Variants in SCUBE3 observed in about 807,000 individuals in gnomAD.
The protein encoded by SCUBE3 is signal peptide, CUB domain and EGF like domain containing 3.
A neutral mutation model predicts 116.8 loss-of-function variants in SCUBE3; 33 were observed. The ratio of observed to expected loss-of-function variants is 0.28; its 90% CI spans 0.21 to 0.38. The LOEUF is 0.38. SCUBE3 is among the 10% of genes least tolerant of loss of function. SCUBE3 has a pLI of 1.00. For synonymous variants in SCUBE3, 418 were observed against 496.9 expected, an observed-to-expected ratio of 0.84 and a Z score of 2.11; for missense variants, 1,007 against 1,324.8, an observed-to-expected ratio of 0.76 and a Z score of 3.72.
chr6:35,221,980 C>T (rs942866835), intron 1 of SCUBE3: 1 of 152,278 alleles, frequency 6.6e-6, no homozygotes, highest in African/African-American at 2.4e-5. Context: ...GAGTGCGCTA[C>T]ACACACCATA....
In SCUBE3 at chr6:35,243,055, G is replaced by C. The variant is rs752131763; in HGVS notation, c.1728G>C (p.Met576Ile). The change falls in exon 15 of 22, where the codon ATG (methionine) becomes ATC (isoleucine). Residue 576 changes from methionine (M) to isoleucine (I), a missense_variant. Around this residue, in one of 5 missense-constraint regions of SCUBE3, gnomAD observed 544 missense variants for 638.9 expected, o/e 0.85. Transcript: ENST00000274938. The surrounding 1 kb of genome is among the most constrained non-coding windows in gnomAD (Gnocchi z 6.6). Reference protein sequence around the residue: ...SCGLPCLRQRMERRLKGSLKM... With the variant: ...SCGLPCLRQRIERRLKGSLKM... ...GGCTGCCCTGCCTCCGACAGCGAAT[G>C]GAACGGCGGCTGAAAGGATCCCTGA... The C allele has an allele frequency of 3.7e-6, 6 of 1,613,998 alleles. No homozygotes were observed. The African/African-American group carries it at 8.0e-5, about 22-fold the overall frequency.
At position 35,248,791 on chromosome 6, in the gene SCUBE3, ACT is replaced by A; in HGVS notation, c.*92_*93del. 1 of 1,027,082 alleles carries A rather than the reference ACT, an allele frequency of 9.7e-7. No homozygotes were observed. The highest frequency in any genetic ancestry group is 1.5e-6 in the Non-Finnish European group (1 of 687,952). The allele number at this position is 1,027,082 out of a possible 1,614,324, so 63.6% of individuals were successfully genotyped here. On this transcript the variant is annotated 3_prime_UTR_variant, in exon 22 of 22. Coordinates refer to ENST00000274938, the MANE Select transcript of SCUBE3 (RefSeq NM_152753.4). ...GCAGCCCCCTACCCTCAGACAAGGA[ACT>A]CTCTCCTCTCTTTTTGGAGGGAAAA...
intron 3 of SCUBE3, among the ~76,000 whole-genome samples, chr6:35,229,717 T>A (rs1459580370): frequency 1.3e-5 from 2 of 152,264 alleles, no homozygotes; most frequent in Admixed American, 6.5e-5. Context: ...CTTTGGTCTC[T>A]GTCATTTTGG....
chr6:35,216,310 G>A (rs577509967), intron 1 of SCUBE3, among the ~76,000 whole-genome samples: 1 of 152,342 alleles, frequency 6.6e-6, no homozygotes, highest in Admixed American at 6.5e-5. Context: ...GGAACATGCT[G>A]CCAGAGTGAA....
chr6:35,233,148 G>C lies in SCUBE3; in HGVS notation c.596-37G>C. The C allele has an allele frequency of 6.5e-7, 1 of 1,545,094 alleles. No homozygotes were observed. The highest frequency in any genetic ancestry group is 8.9e-7 in the Non-Finnish European group (1 of 1,119,012). ...TGTGGAAAACTGTGGATGCAGGGAG[G>C]AGCAAGCTGACAGGGCCCTGTCCTC... On this transcript the variant is annotated intron_variant, in intron 5 of 21. Coordinates refer to ENST00000274938, the MANE Select transcript of SCUBE3 (RefSeq NM_152753.4). This position sits in a 1 kb window ranked among gnomAD's most constrained non-coding sequence, Gnocchi z 5.7.
chr6:35,246,134 A>C (rs1298256839), intron 20 of SCUBE3, 38 bp downstream of exon 20: 1 of 1,613,166 alleles, frequency 6.2e-7, no homozygotes, highest in Non-Finnish European at 8.5e-7. Flanking sequence ...GAGGTATGTC[A>C]GTTTTGAGAG....
chr6:35,245,882 G>A lies in SCUBE3; in HGVS notation c.2600-62G>A, dbSNP rs745909887. ...CCCCACCACCAGCTGTACAGCCCAC[G>A]TTCTAGGAGGGCTTGGGTAGCCTGC... On this transcript the variant is annotated intron_variant, in intron 19 of 21. Transcript: ENST00000274938. The surrounding 1 kb of genome is among the most constrained non-coding windows in gnomAD (Gnocchi z 4.2). The A allele has an allele frequency of 1.0e-4, 165 of 1,577,648 alleles. No individual in the cohort carries two copies. Among genetic ancestry groups the A allele is most frequent in the Non-Finnish European group, 1.3e-4 (148 of 1,154,618 alleles).
In SCUBE3 at chr6:35,240,546, C is replaced by T. The variant is rs1027090089; in HGVS notation, c.1069+56C>T. On this transcript the variant is annotated intron_variant, in intron 9 of 21. Coordinates refer to ENST00000274938, the MANE Select transcript of SCUBE3 (RefSeq NM_152753.4). This position sits in a 1 kb window ranked among gnomAD's most constrained non-coding sequence, Gnocchi z 4.6. ...CCTGGCCCCCTCACCTCTTCACCCT[C>T]CAATTGAACAGGTCCTTGTGTTGGC... is the stretch of plus-strand genomic sequence containing the variant. 1 of 846,090 alleles carries T rather than the reference C, an allele frequency of 1.2e-6. No individual in the cohort carries two copies. Among genetic ancestry groups the T allele is most frequent in the Non-Finnish European group, 1.9e-6 (1 of 520,662 alleles). The allele number at this position is 846,090 out of a possible 1,614,324, so 52.4% of individuals were successfully genotyped here.
At position 35,251,641 on chromosome 6, in the gene SCUBE3, C is replaced by CA. The variant is rs1442548078; in HGVS notation, c.*2939dup. On this transcript the variant is annotated 3_prime_UTR_variant, in exon 22 of 22. Coordinates refer to ENST00000274938, the MANE Select transcript of SCUBE3 (RefSeq NM_152753.4). ...TTTATTCCATGGCTTATGAGACCTG[C>CA]AAATGAGTTCCACAGTACGGAAGGC... 1 of 152,208 alleles carries CA rather than the reference C, an allele frequency of 6.6e-6. No homozygotes were observed. Among genetic ancestry groups the CA allele is most frequent in the African/African-American group, 2.4e-5 (1 of 41,426 alleles). 9.4% of individuals were successfully genotyped at this position (152,208 alleles called of 1,614,324 possible).
chr6:35,246,093 G>A lies in SCUBE3; in HGVS notation c.2749G>A (p.Asp917Asn). Residue 917 changes from aspartate (D) to asparagine (N), a missense_variant, in exon 20 of 22, where the codon GAT becomes AAT. Coordinates refer to ENST00000274938, the MANE Select transcript of SCUBE3 (RefSeq NM_152753.4). Reference sequence around the variant, plus strand: ...CTTCCAGATTCCCTATGTTACCTATGATGGTAAGCCAAGGAGGTGGGTGAG... The same window carrying A: ...CTTCCAGATTCCCTATGTTACCTATAATGGTAAGCCAAGGAGGTGGGTGAG... ...RGFQIPYVTY[D>N]EDYEQLVEDI... 2 of 1,614,128 alleles carry A rather than the reference G, an allele frequency of 1.2e-6. No individual in the cohort carries two copies. The highest frequency in any genetic ancestry group is 2.2e-5 in the South Asian group (2 of 91,078).
In SCUBE3 at chr6:35,228,749, G is replaced by A; in HGVS notation, c.334+10G>A. ...GGACACAACTGTCTGGGTAAGCAAA[G>A]GAGAGGGGATTTGGTGGAGGGATGT... On this transcript the variant is annotated intron_variant, in intron 3 of 21. Coordinates refer to ENST00000274938, the MANE Select transcript of SCUBE3 (RefSeq NM_152753.4). The surrounding 1 kb of genome is among the most constrained non-coding windows in gnomAD (Gnocchi z 4.9). The A allele has an allele frequency of 1.2e-6, 2 of 1,613,870 alleles. No individual in the cohort carries two copies. Among genetic ancestry groups the A allele is most frequent in the South Asian group, 1.1e-5 (1 of 91,062 alleles).
Position 35,233,036 on chromosome 6 carries a change from G to T in SCUBE3, c.595+61G>T. On this transcript the variant is annotated intron_variant, in intron 5 of 21. Transcript: ENST00000274938. This position sits in a 1 kb window ranked among gnomAD's most constrained non-coding sequence, Gnocchi z 5.7. ...TCGGGGGTGAAAACATAGAGGAAGG[G>T]TATAGGGCTTCAGGAGCAAGAGGAC... 1 of 1,593,484 alleles carries T rather than the reference G, an allele frequency of 6.3e-7. No individual in the cohort carries two copies. Among genetic ancestry groups the T allele is most frequent in the South Asian group, 1.1e-5 (1 of 89,558 alleles).
rs1325350178 is a variant in SCUBE3 at position 35,243,100 on chromosome 6, C to G, written c.1773C>G (p.Ile591Met). The G allele has an allele frequency of 6.2e-7, 1 of 1,614,204 alleles. No individual in the cohort carries two copies. ...KGSLKMLRKSINQDRFLLRLA... is the reference protein window; with the variant it reads ...KGSLKMLRKSMNQDRFLLRLA... Reference sequence around the variant, plus strand: ...CCCTGAAGATGCTCAGAAAGTCCATCAACCAGGACCGCTTCCTGCTGCGCC... The same window carrying G: ...CCCTGAAGATGCTCAGAAAGTCCATGAACCAGGACCGCTTCCTGCTGCGCC... Residue 591 changes from isoleucine (I) to methionine (M), a missense_variant, in exon 15 of 22, where the codon ATC becomes ATG. Physicochemically the swap from Ile to Met is conservative, Grantham distance 10. Around this residue, in one of 5 missense-constraint regions of SCUBE3, gnomAD observed 544 missense variants for 638.9 expected, o/e 0.85. Transcript: ENST00000274938. This position sits in a 1 kb window ranked among gnomAD's most constrained non-coding sequence, Gnocchi z 6.6.
At position 35,248,961 on chromosome 6, in the gene SCUBE3, C is replaced by A; in HGVS notation, c.*256C>A. On this transcript the variant is annotated 3_prime_UTR_variant, in exon 22 of 22. Coordinates refer to ENST00000274938, the MANE Select transcript of SCUBE3 (RefSeq NM_152753.4). Reference sequence around the variant, plus strand: ...AGCCATTCAGTACTGGCTCTAGTCCCCGTGAGATGTAAAGAAACAGTACAG... The same window carrying A: ...AGCCATTCAGTACTGGCTCTAGTCCACGTGAGATGTAAAGAAACAGTACAG... 2.0e-6 allele frequency: 1 copy of A among 491,448 alleles called. No individual in the cohort carries two copies. Among genetic ancestry groups the A allele is most frequent in the Non-Finnish European group, 3.6e-6 (1 of 276,230 alleles). The allele number at this position is 491,448 out of a possible 1,614,324, so 30.4% of individuals were successfully genotyped here.
chr6:35,250,870 A>T lies in SCUBE3; in HGVS notation c.*2165A>T, dbSNP rs901811447. ...CTCCCATCAGTAGCATTCATCAGCC[A>T]AAACGGCCATAGCAGTAGGTAGCCA... On this transcript the variant is annotated 3_prime_UTR_variant, in exon 22 of 22. Coordinates refer to ENST00000274938, the MANE Select transcript of SCUBE3 (RefSeq NM_152753.4). 1.3e-5 allele frequency: 2 copies of T among 152,278 alleles called. No individual in the cohort carries two copies. The highest frequency in any genetic ancestry group is 6.5e-5 in the Admixed American group (1 of 15,278). 9.4% of individuals were successfully genotyped at this position (152,278 alleles called of 1,614,324 possible).
At chr6:35,238,700 A>G (rs1461899440) in intron 7 of SCUBE3, among the ~76,000 whole-genome samples, 1 of 152,250 alleles carries the variant, frequency 6.6e-6, no homozygotes, top group Non-Finnish European at 1.5e-5. Context: ...AGTTACCCAC[A>G]TTATGCATTC....
chr6:35,236,026 G>C (rs1291360958), intron 6 of SCUBE3, among the ~76,000 whole-genome samples: 1 of 152,180 alleles, frequency 6.6e-6, no homozygotes, highest in Non-Finnish European at 1.5e-5. Context: ...TTGAATCCTG[G>C]CTCTGTTACT....
Position 35,239,674 on chromosome 6 carries a change from G to T in SCUBE3, c.830-78G>T. ...CCTTGATTTTTGCATGTCTCTGTCA[G>T]TGAGGGAGGGATCTTTCTCCTTGTT... On this transcript the variant is annotated intron_variant, in intron 7 of 21. Transcript: ENST00000274938. The surrounding 1 kb of genome is among the most constrained non-coding windows in gnomAD (Gnocchi z 4.1). 7.1e-7 allele frequency: 1 copy of T among 1,407,546 alleles called. No homozygotes were observed. Among genetic ancestry groups the T allele is most frequent in the South Asian group, 1.2e-5 (1 of 81,790 alleles). The allele number at this position is 1,407,546 out of a possible 1,614,324, so 87.2% of individuals were successfully genotyped here. A position where few individuals can be genotyped will look rare whatever the true frequency, so the allele number is the denominator to read the frequency against.
At position 35,228,750 on chromosome 6, in the gene SCUBE3, G is replaced by A. The variant is rs544502313; in HGVS notation, c.334+11G>A. On this transcript the variant is annotated intron_variant, in intron 3 of 21. Coordinates refer to ENST00000274938, the MANE Select transcript of SCUBE3 (RefSeq NM_152753.4). The surrounding 1 kb of genome is among the most constrained non-coding windows in gnomAD (Gnocchi z 4.9). ...GACACAACTGTCTGGGTAAGCAAAG[G>A]AGAGGGGATTTGGTGGAGGGATGTC... 9.0e-5 allele frequency: 145 copies of A among 1,613,882 alleles called. 2 individuals are homozygous for A. In the Middle Eastern group the frequency reaches 6.1e-3, roughly 68 times the overall value.
Sources: gnomAD v4.1 joint callset for allele counts (sites outside exome capture counted in the v4.1 genomes callset) on GRCh38, gnomAD v4.1.1 for gene constraint, gnomAD v4.1.1 regional missense constraint, Gnocchi (gnomAD v3.1) non-coding constraint, MANE v1.5 for transcripts, NCBI Gene and HGNC (gene_info 2026-07-23, HGNC 2026-07-21) for gene names.